Variants in OLIG1 observed in about 807,000 individuals in gnomAD.
OLIG1 encodes the protein basic domain, helix-loop-helix protein, class B, 6.
A neutral mutation model predicts 13.5 loss-of-function variants in OLIG1; 9 were observed. That is an observed-to-expected ratio of 0.67 (90% CI 0.40 to 1.17). The LOEUF is 1.17. Among genes scored for constraint, OLIG1 ranks in the 50% most tolerant of loss-of-function variants. OLIG1 has a pLI of 0.01. For synonymous variants in OLIG1, 215 were observed against 208.3 expected (o/e 1.03, Z -0.28); for missense variants, 362 against 392.2 (o/e 0.92, Z 0.65).
At position 33,070,814 on chromosome 21, in the gene OLIG1, G is replaced by A. The variant is rs1215285122; in HGVS notation, c.568G>A (p.Gly190Arg). 5.1e-6 allele frequency: 6 copies of A among 1,171,938 alleles called. No individual in the cohort carries two copies. In the African/African-American group the frequency reaches 6.5e-5, roughly 13 times the overall value. 72.6% of individuals were successfully genotyped at this position (1,171,938 alleles called of 1,614,324 possible). ...GPAAPRLLLA[G>R]LPLLAAAPGS... ...CGCCGCGCCGCGCCTGCTGCTGGCC[G>A]GGCTGCCCCTGCTCGCCGCCGCGCC... The change falls in exon 1 of 1, where the codon GGG becomes AGG. Residue 190 changes from glycine to arginine, a missense_variant. Gly to Arg is a moderately radical substitution (Grantham distance 125). This residue lies in a region of OLIG1 where 94 missense variants were observed against 146.0 expected (regional missense o/e 0.64). Transcript: ENST00000382348. The surrounding 1 kb of genome is among the most constrained non-coding windows in gnomAD (Gnocchi z 5.9).
In OLIG1 at chr21:33,070,457, G is replaced by A; in HGVS notation, c.211G>A (p.Glu71Lys). 1 of 1,524,482 alleles carries A rather than the reference G, an allele frequency of 6.6e-7. No homozygotes were observed. Among genetic ancestry groups the A allele is most frequent in the Non-Finnish European group, 8.8e-7 (1 of 1,140,494 alleles). 94.4% of individuals were successfully genotyped at this position (1,524,482 alleles called of 1,614,324 possible). A position where few individuals can be genotyped will look rare whatever the true frequency, so the allele number is the denominator to read the frequency against. ...TAPLLPKAAREKPEAPAEPPG... is the reference protein window; with the variant it reads ...TAPLLPKAARKKPEAPAEPPG... The stretch of plus-strand genomic sequence containing the variant: ...CCCCCTCCTCCCCAAGGCTGCGCGC[G>A]AGAAGCCGGAGGCGCCGGCCGAGCC... The change falls in exon 1 of 1, where the codon GAG becomes AAG. Residue 71 changes from glutamate to lysine, a missense_variant. This residue lies in a region of OLIG1 where 206 missense variants were observed against 197.2 expected (regional missense o/e 1.04). Transcript: ENST00000382348. The surrounding 1 kb of genome is among the most constrained non-coding windows in gnomAD (Gnocchi z 5.9).
chr21:33,072,073 G>T lies in OLIG1; in HGVS notation c.*1011G>T. The T allele has an allele frequency of 6.0e-6, 1 of 167,230 alleles. No individual in the cohort carries two copies. The allele number at this position is 167,230 out of a possible 1,614,324, so 10.4% of individuals were successfully genotyped here. A position where few individuals can be genotyped will look rare whatever the true frequency, so the allele number is the denominator to read the frequency against. ...GCAGGAGTACCGGGAGCCCTGAACC[G>T]CCCGCTGCTCGGCGGATCCCAGCTG... On this transcript the variant is annotated 3_prime_UTR_variant, in exon 1 of 1. Transcript: ENST00000382348.
rs1032673921 is a variant in OLIG1 at position 33,071,910 on chromosome 21, C to T, written c.*848C>T. 11 of 167,206 alleles carry T rather than the reference C, an allele frequency of 6.6e-5. No individual in the cohort carries two copies. Among genetic ancestry groups the T allele is most frequent in the Middle Eastern group, 3.4e-3 (1 of 296 alleles). The allele number at this position is 167,206 out of a possible 1,614,324, so 10.4% of individuals were successfully genotyped here. On this transcript the variant is annotated 3_prime_UTR_variant, in exon 1 of 1. Transcript: ENST00000382348. The surrounding 1 kb of genome is among the most constrained non-coding windows in gnomAD (Gnocchi z 6.0). ...TTCGTTTCCCTTTCCCCAAAAGTAG[C>T]GTAACCAACATTTAAGCTTGCTTAA...
Position 33,070,370 on chromosome 21 carries a change from C to G in OLIG1, c.124C>G (p.Pro42Ala). 6.5e-7 allele frequency: 1 copy of G among 1,539,502 alleles called. No individual in the cohort carries two copies. Among genetic ancestry groups the G allele is most frequent in the Non-Finnish European group, 8.7e-7 (1 of 1,143,518 alleles). ...LYELVGYRQP[P>A]SSSSSSTSST... ...CGAGCTGGTGGGCTACAGGCAGCCGCCCTCCTCCTCCTCCTCCTCCACCTC... is the reference window on the plus strand; with the variant it reads ...CGAGCTGGTGGGCTACAGGCAGCCGGCCTCCTCCTCCTCCTCCTCCACCTC... The change falls in exon 1 of 1, where the codon CCC (proline) becomes GCC (alanine). Residue 42 changes from proline (P) to alanine (A), a missense_variant. Physicochemically the swap from Pro to Ala is conservative, Grantham distance 27. This residue lies in a region of OLIG1 where 206 missense variants were observed against 197.2 expected (regional missense o/e 1.04). Transcript: ENST00000382348. The surrounding 1 kb of genome is among the most constrained non-coding windows in gnomAD (Gnocchi z 5.9).
In OLIG1 at chr21:33,071,371, T is replaced by G; in HGVS notation, c.*309T>G. On this transcript the variant is annotated 3_prime_UTR_variant, in exon 1 of 1. Coordinates refer to ENST00000382348, the MANE Select transcript of OLIG1 (RefSeq NM_138983.3). This position sits in a 1 kb window ranked among gnomAD's most constrained non-coding sequence, Gnocchi z 6.0. ...TCTCCTTGTCCCTGGAGTTGCGCGCTTCGCGGGGCCGATGTAGAACTTAGG... is the reference window on the plus strand; with the variant it reads ...TCTCCTTGTCCCTGGAGTTGCGCGCGTCGCGGGGCCGATGTAGAACTTAGG... The G allele has an allele frequency of 3.6e-5, 8 of 219,478 alleles. No individual in the cohort carries two copies. Among genetic ancestry groups the G allele is most frequent in the East Asian group, 1.0e-4 (1 of 9,704 alleles). The allele number at this position is 219,478 out of a possible 1,614,324, so 13.6% of individuals were successfully genotyped here.
rs1161703014 is a variant in OLIG1 at position 33,071,895 on chromosome 21, T to C, written c.*833T>C. 1 of 167,122 alleles carries C rather than the reference T, an allele frequency of 6.0e-6. No homozygotes were observed. Among genetic ancestry groups the C allele is most frequent in the Non-Finnish European group, 1.5e-5 (1 of 68,126 alleles). The allele number at this position is 167,122 out of a possible 1,614,324, so 10.4% of individuals were successfully genotyped here. A position where few individuals can be genotyped will look rare whatever the true frequency, so the allele number is the denominator to read the frequency against. On this transcript the variant is annotated 3_prime_UTR_variant, in exon 1 of 1. Coordinates refer to ENST00000382348, the MANE Select transcript of OLIG1 (RefSeq NM_138983.3). This position sits in a 1 kb window ranked among gnomAD's most constrained non-coding sequence, Gnocchi z 6.0. ...ACTCGAGATTCACCTTTCGTTTCCC[T>C]TTCCCCAAAAGTAGCGTAACCAACA...
Position 33,071,212 on chromosome 21 carries a change from C to A in OLIG1, c.*150C>A. The A allele has an allele frequency of 1.5e-6, 1 of 687,236 alleles. No homozygotes were observed. Among genetic ancestry groups the A allele is most frequent in the Non-Finnish European group, 2.2e-6 (1 of 446,424 alleles). 42.6% of individuals were successfully genotyped at this position (687,236 alleles called of 1,614,324 possible). ...CAGAGGAAGGGACTGTCGGGCACCC[C>A]CTTCCCCGCCCCCACCCCTGGGACG... On this transcript the variant is annotated 3_prime_UTR_variant, in exon 1 of 1. Coordinates refer to ENST00000382348, the MANE Select transcript of OLIG1 (RefSeq NM_138983.3). The surrounding 1 kb of genome is among the most constrained non-coding windows in gnomAD (Gnocchi z 6.0).
In OLIG1 at chr21:33,070,408, CACT is replaced by C. The variant is rs780214215; in HGVS notation, c.163_165del (p.Thr55del). On this transcript the variant is annotated inframe_deletion, in exon 1 of 1. Transcript: ENST00000382348. This position sits in a 1 kb window ranked among gnomAD's most constrained non-coding sequence, Gnocchi z 5.9. The stretch of plus-strand genomic sequence containing the variant: ...CCTCCTCCACCTCCTCCACCTCCTC[CACT>C]TCCTCCTCCTCCACGACGGCCCCCC... The C allele has an allele frequency of 6.5e-7, 1 of 1,526,990 alleles. No homozygotes were observed. The highest frequency in any genetic ancestry group is 1.6e-5 in the African/African-American group (1 of 61,130). The allele number at this position is 1,526,990 out of a possible 1,614,324, so 94.6% of individuals were successfully genotyped here.
rs552498250 is a variant in OLIG1, at chr21:33,070,370, CCCTCCT to C, written c.139_144del (p.Ser47_Ser48del). 102 of 1,539,612 alleles carry C rather than the reference CCCTCCT, an allele frequency of 6.6e-5. No individual in the cohort carries two copies. The highest frequency in any genetic ancestry group is 2.3e-4 in the South Asian group (19 of 83,350). ...CGAGCTGGTGGGCTACAGGCAGCCGCCCTCCTCCTCCTCCTCCTCCACCTCCTCCAC... is the reference window on the plus strand; with the variant it reads ...CGAGCTGGTGGGCTACAGGCAGCCGCCCTCCTCCTCCTCCACCTCCTCCAC... On this transcript the variant is annotated inframe_deletion, in exon 1 of 1. Transcript: ENST00000382348. The surrounding 1 kb of genome is among the most constrained non-coding windows in gnomAD (Gnocchi z 5.9).
In OLIG1 at chr21:33,070,534, G is replaced by A. The variant is rs753855485; in HGVS notation, c.288G>A (p.Pro96=). 3.8e-4 allele frequency: 575 copies of A among 1,502,252 alleles called. 1 individual carries two copies. The highest frequency in any genetic ancestry group is 4.7e-4 in the Non-Finnish European group (529 of 1,131,376). The allele number at this position is 1,502,252 out of a possible 1,614,324, so 93.1% of individuals were successfully genotyped here. A position where few individuals can be genotyped will look rare whatever the true frequency, so the allele number is the denominator to read the frequency against. The change falls in exon 1 of 1, where the codon CCG becomes CCA. Residue 96 remains proline (P), a synonymous_variant. Transcript: ENST00000382348. This position sits in a 1 kb window ranked among gnomAD's most constrained non-coding sequence, Gnocchi z 5.9. ...CGCACCCGGGCGGCAGCGCCCGGCC[G>A]GACGCCAAGGAGGAGCAGCAGCAGC... The part of the protein sequence containing the change: ...SGAHPGGSAR[P]DAKEEQQQQL...
Position 33,070,195 on chromosome 21 carries a change from C to A in OLIG1, c.-52C>A. 7.0e-7 allele frequency: 1 copy of A among 1,435,046 alleles called. No individual in the cohort carries two copies. The highest frequency in any genetic ancestry group is 1.4e-5 in the South Asian group (1 of 69,334). 88.9% of individuals were successfully genotyped at this position (1,435,046 alleles called of 1,614,324 possible). A position where few individuals can be genotyped will look rare whatever the true frequency, so the allele number is the denominator to read the frequency against. On this transcript the variant is annotated 5_prime_UTR_variant, in exon 1 of 1. Coordinates refer to ENST00000382348, the MANE Select transcript of OLIG1 (RefSeq NM_138983.3). This position sits in a 1 kb window ranked among gnomAD's most constrained non-coding sequence, Gnocchi z 5.9. Reference sequence around the variant, plus strand: ...GGGAGGGGCGGCCTGCCGACCGGCCCACCCCAGGGCGTTCCTGAAGGGCGT... The same window carrying A: ...GGGAGGGGCGGCCTGCCGACCGGCCAACCCCAGGGCGTTCCTGAAGGGCGT...
In OLIG1 at chr21:33,071,236, C is replaced by T; in HGVS notation, c.*174C>T. On this transcript the variant is annotated 3_prime_UTR_variant, in exon 1 of 1. Transcript: ENST00000382348. This position sits in a 1 kb window ranked among gnomAD's most constrained non-coding sequence, Gnocchi z 6.0. Reference sequence around the variant, plus strand: ...CCCTTCCCCGCCCCCACCCCTGGGACGTTAAAGTGACCAGAGCGGATGTTC... The same window carrying T: ...CCCTTCCCCGCCCCCACCCCTGGGATGTTAAAGTGACCAGAGCGGATGTTC... 3 of 585,984 alleles carry T rather than the reference C, an allele frequency of 5.1e-6. No individual in the cohort carries two copies. The highest frequency in any genetic ancestry group is 8.4e-6 in the Non-Finnish European group (3 of 358,322). 36.3% of individuals were successfully genotyped at this position (585,984 alleles called of 1,614,324 possible).
chr21:33,070,854 T>TGGCGCCCGGCGCCGTAGG lies in OLIG1; in HGVS notation c.609_626dup (p.Ala204_Gly209dup), dbSNP rs1365788657. ...GCCGCCGCGCCCGGCTCCGTGCTGC[T>TGGCGCCCGGCGCCGTAGG]GGCGCCCGGCGCCGTAGGACCCCCC... On this transcript the variant is annotated inframe_insertion, in exon 1 of 1. Transcript: ENST00000382348. This position sits in a 1 kb window ranked among gnomAD's most constrained non-coding sequence, Gnocchi z 5.9. The TGGCGCCCGGCGCCGTAGG allele has an allele frequency of 9.7e-5, 119 of 1,232,198 alleles. No individual in the cohort carries two copies. The African/African-American group carries it at 1.8e-3, about 19-fold the overall frequency. The allele number at this position is 1,232,198 out of a possible 1,614,324, so 76.3% of individuals were successfully genotyped here.
Position 33,070,788 on chromosome 21 carries a change from C to CCGCCG in OLIG1, c.552_556dup (p.Leu186ArgfsTer25), listed in dbSNP as rs1262125963. 1.2e-5 allele frequency: 15 copies of CCGCCG among 1,204,160 alleles called. No individual in the cohort carries two copies. Among genetic ancestry groups the CCGCCG allele is most frequent in the Middle Eastern group, 3.2e-4 (1 of 3,084 alleles). 74.6% of individuals were successfully genotyped at this position (1,204,160 alleles called of 1,614,324 possible). ...CGCGCGCTGGGCGAGGGCGCCGGGC[C>CCGCCG]CGCCGCGCCGCGCCTGCTGCTGGCC... On this transcript the variant is annotated frameshift_variant, in exon 1 of 1. Coordinates refer to ENST00000382348, the MANE Select transcript of OLIG1 (RefSeq NM_138983.3). LOFTEE classifies it high-confidence loss of function. This position sits in a 1 kb window ranked among gnomAD's most constrained non-coding sequence, Gnocchi z 5.9.
In OLIG1 at chr21:33,071,676, C is replaced by T. The variant is rs1982235811; in HGVS notation, c.*614C>T. 6.0e-6 allele frequency: 1 copy of T among 167,206 alleles called. No individual in the cohort carries two copies. Among genetic ancestry groups the T allele is most frequent in the African/African-American group, 2.4e-5 (1 of 41,456 alleles). 10.4% of individuals were successfully genotyped at this position (167,206 alleles called of 1,614,324 possible). On this transcript the variant is annotated 3_prime_UTR_variant, in exon 1 of 1. Transcript: ENST00000382348. This position sits in a 1 kb window ranked among gnomAD's most constrained non-coding sequence, Gnocchi z 6.0. ...GGGACGTGGCAGACGGACGGACCCT[C>T]GGCGGACAGGTGGTCGGCGTCGGGG...
In OLIG1 at chr21:33,071,173, C is replaced by T; in HGVS notation, c.*111C>T. 9.3e-7 allele frequency: 1 copy of T among 1,070,684 alleles called. No homozygotes were observed. The highest frequency in any genetic ancestry group is 1.3e-6 in the Non-Finnish European group (1 of 790,288). The allele number at this position is 1,070,684 out of a possible 1,614,324, so 66.3% of individuals were successfully genotyped here. A position where few individuals can be genotyped will look rare whatever the true frequency, so the allele number is the denominator to read the frequency against. ...GCGAGGCCGAGCAAGGAAAGCATTT[C>T]GAACCTTCCAGTCCAGAGGAAGGGA... On this transcript the variant is annotated 3_prime_UTR_variant, in exon 1 of 1. Coordinates refer to ENST00000382348, the MANE Select transcript of OLIG1 (RefSeq NM_138983.3). This position sits in a 1 kb window ranked among gnomAD's most constrained non-coding sequence, Gnocchi z 6.0.
chr21:33,070,597 C>A lies in OLIG1; in HGVS notation c.351C>A (p.Arg117=). Residue 117 remains arginine (R), a synonymous_variant, in exon 1 of 1, where the codon CGC becomes CGA. Transcript: ENST00000382348. The surrounding 1 kb of genome is among the most constrained non-coding windows in gnomAD (Gnocchi z 5.9). ...AGATCAACAGCCGCGAGCGGAAGCG[C>A]ATGCAGGACCTGAACCTGGCCATGG... ...RRKINSRERK[R]MQDLNLAMDA... 1 of 1,569,830 alleles carries A rather than the reference C, an allele frequency of 6.4e-7. No homozygotes were observed. Among genetic ancestry groups the A allele is most frequent in the South Asian group, 1.2e-5 (1 of 86,510 alleles).
rs1206373895 is a variant in OLIG1, at chr21:33,071,630, G to T, written c.*568G>T. ...GAACTCAAGAGGCAGAAAAAGACCA[G>T]TTAGGCGGTGCAGACGGTCTGGGAC... On this transcript the variant is annotated 3_prime_UTR_variant, in exon 1 of 1. Coordinates refer to ENST00000382348, the MANE Select transcript of OLIG1 (RefSeq NM_138983.3). This position sits in a 1 kb window ranked among gnomAD's most constrained non-coding sequence, Gnocchi z 6.0. The T allele has an allele frequency of 6.0e-6, 1 of 167,160 alleles. No homozygotes were observed. The highest frequency in any genetic ancestry group is 6.5e-5 in the Admixed American group (1 of 15,294). 10.4% of individuals were successfully genotyped at this position (167,160 alleles called of 1,614,324 possible). A position where few individuals can be genotyped will look rare whatever the true frequency, so the allele number is the denominator to read the frequency against.
In OLIG1 at chr21:33,071,098, G is replaced by A; in HGVS notation, c.*36G>A. 3 of 1,436,556 alleles carry A rather than the reference G, an allele frequency of 2.1e-6. No individual in the cohort carries two copies. The highest frequency in any genetic ancestry group is 1.5e-5 in the African/African-American group (1 of 66,370). The allele number at this position is 1,436,556 out of a possible 1,614,324, so 89.0% of individuals were successfully genotyped here. A position where few individuals can be genotyped will look rare whatever the true frequency, so the allele number is the denominator to read the frequency against. On this transcript the variant is annotated 3_prime_UTR_variant, in exon 1 of 1. Coordinates refer to ENST00000382348, the MANE Select transcript of OLIG1 (RefSeq NM_138983.3). The surrounding 1 kb of genome is among the most constrained non-coding windows in gnomAD (Gnocchi z 6.0). ...GGGCCTGGGGCGCGACCTCGGCCCGGCCTCCCTTCGCTCAGCTTCTCCGCG... is the reference window on the plus strand; with the variant it reads ...GGGCCTGGGGCGCGACCTCGGCCCGACCTCCCTTCGCTCAGCTTCTCCGCG...
Sources: allele counts gnomAD v4.1 joint callset, GRCh38; gene constraint gnomAD v4.1.1; regional missense constraint gnomAD v4.1.1; non-coding constraint Gnocchi (gnomAD v3.1); transcripts MANE v1.5; gene names NCBI Gene and HGNC (gene_info 2026-07-23, HGNC 2026-07-21).